AGTPBP1: variants seen among roughly 807,000 people sequenced by gnomAD.
The protein encoded by AGTPBP1 is cytosolic carboxypeptidase 1.
A neutral mutation model predicts 143.9 loss-of-function variants in AGTPBP1; 70 were observed. The observed-to-expected ratio is 0.49, with a 90% CI of 0.40 to 0.59. AGTPBP1 has a LOEUF of 0.59. AGTPBP1 is among the 20% of genes least tolerant of loss of function. The pLI, the probability that AGTPBP1 is intolerant of heterozygous loss-of-function variation, is 0.00. For missense variants in AGTPBP1, 1,229 were observed against 1,464.5 expected (o/e 0.84, Z 2.62); for synonymous variants, 463 against 500.2 (o/e 0.93, Z 0.99).
intron 17 of AGTPBP1, among the ~76,000 whole-genome samples, chr9:85,599,110 A>AACAC (rs57074552): frequency 0.058 from 7,911 of 135,406 alleles, 387 homozygotes; most frequent in African/African-American, 0.13. Flanking sequence ...CTTGTCACTG[A>AACAC]ACACACACAC....
At chr9:85,720,103 GATA>G (rs1207537191) in intron 1 of AGTPBP1, among the ~76,000 whole-genome samples, 1 of 152,178 alleles carries the variant, frequency 6.6e-6, no homozygotes, top group African/African-American at 2.4e-5. Flanking sequence ...GTTCATCAGG[GATA>G]TTGGTCTAAA....
At chr9:85,793,584 T>G in the AGTPBP1 span, 1 of 152,152 alleles carries the variant, frequency 6.6e-6, no homozygotes, top group African/African-American at 2.4e-5. Context: ...GAACCTACAA[T>G]CATAAGTATT....
At chr9:85,567,596 A>G (rs1461083192) in intron 25 of AGTPBP1, among the ~76,000 whole-genome samples, 1 of 152,204 alleles carries the variant, frequency 6.6e-6, no homozygotes, top group Non-Finnish European at 1.5e-5. Flanking sequence ...TGTCTCAAAA[A>G]AAAGAAGAAA....
intron 3 of AGTPBP1, among the ~76,000 whole-genome samples, chr9:85,685,957 A>C (rs1835461154): frequency 1.3e-5 from 2 of 152,082 alleles, no homozygotes. Flanking sequence ...TTAAAAATGA[A>C]AAGAGGTATA....
At chr9:85,608,407 G>A (rs1156478835) in intron 17 of AGTPBP1, among the ~76,000 whole-genome samples, 1 of 151,896 alleles carries the variant, frequency 6.6e-6, no homozygotes, top group Non-Finnish European at 1.5e-5. Flanking sequence ...TAGAACAATT[G>A]AACAAGAAAA....
At chr9:85,736,814 AT>A (rs1823820724) in intron 1 of AGTPBP1, among the ~76,000 whole-genome samples, 1 of 152,230 alleles carries the variant, frequency 6.6e-6, no homozygotes. Context: ...ACCAACAATT[AT>A]AAAACAAGAA....
chr9:85,677,376 G>A lies in AGTPBP1; in HGVS notation c.436+60C>T, dbSNP rs1834894731. 4 of 1,474,324 alleles carry A rather than the reference G, an allele frequency of 2.7e-6. No homozygotes were observed. The Admixed American group carries it at 6.3e-5, about 23-fold the overall frequency. The allele number at this position is 1,474,324 out of a possible 1,614,324, so 91.3% of individuals were successfully genotyped here. ...TAAAAACTGAGTAGTTACAAGGTGA[G>A]AGAATCACTGTTACAAAAATAGTTC... is the stretch of plus-strand genomic sequence containing the variant. On this transcript the variant is annotated intron_variant, in intron 6 of 25. Transcript: ENST00000357081.
chr9:85,724,133 A>G (rs1303035991), intron 1 of AGTPBP1, among the ~76,000 whole-genome samples: 1 of 151,970 alleles, frequency 6.6e-6, no homozygotes, highest in African/African-American at 2.4e-5. Flanking sequence ...CTATAAATAC[A>G]AAAATTAGCC....
At chr9:85,759,915 A>G in the AGTPBP1 span, among the ~76,000 whole-genome samples, 1 of 152,220 alleles carries the variant, frequency 6.6e-6, no homozygotes. Context: ...AAATAGATGC[A>G]ATAAAAAATG....
At chr9:85,552,169 A>C (rs1168902629) in intron 25 of AGTPBP1, among the ~76,000 whole-genome samples, 3 of 152,232 alleles carry the variant, frequency 2.0e-5, no homozygotes, top group Non-Finnish European at 4.4e-5. Context: ...GAAAAACATC[A>C]AAACTTTCAC....
the AGTPBP1 span, among the ~76,000 whole-genome samples, chr9:85,758,917 T>C: frequency 6.6e-6 from 1 of 151,826 alleles, no homozygotes; most frequent in Admixed American, 6.6e-5. Context: ...AATAAAGGGA[T>C]GGAGGAAGAT....
intron 17 of AGTPBP1, among the ~76,000 whole-genome samples, chr9:85,602,781 G>A (rs554108254): frequency 6.6e-6 from 1 of 152,300 alleles, no homozygotes; most frequent in African/African-American, 2.4e-5. Flanking sequence ...AAGACAATCT[G>A]GAATTGCTCA....
the AGTPBP1 span, among the ~76,000 whole-genome samples, chr9:85,794,124 G>A: frequency 6.6e-6 from 1 of 152,066 alleles, no homozygotes; most frequent in Admixed American, 6.6e-5. Context: ...ATAAGTTTCT[G>A]AGCTCACATA....
At chr9:85,779,674 T>A in the AGTPBP1 span, among the ~76,000 whole-genome samples, 1 of 152,078 alleles carries the variant, frequency 6.6e-6, no homozygotes, top group Non-Finnish European at 1.5e-5. Flanking sequence ...CACTCAATAG[T>A]AACCATCACA....
Position 85,632,837 on chromosome 9 carries a change from C to T in AGTPBP1, c.1840G>A (p.Ala614Thr), listed in dbSNP as rs756518744. 38 of 1,614,166 alleles carry T rather than the reference C, an allele frequency of 2.4e-5. No individual in the cohort carries two copies. Among genetic ancestry groups the T allele is most frequent in the Non-Finnish European group, 3.1e-5 (37 of 1,180,020 alleles). Residue 614 changes from alanine to threonine, a missense_variant, in exon 14 of 26, where the codon GCA (alanine) becomes ACA (threonine). By Grantham distance (58) the Ala-to-Thr change is moderately conservative (BLOSUM62 0). Transcript: ENST00000357081. Reference sequence around the variant, plus strand: ...GGTCCATCAGGTACTTCAACCGATGCTTGTTCTACCGATGAATTTGACTCA... The same window carrying T: ...GGTCCATCAGGTACTTCAACCGATGTTTGTTCTACCGATGAATTTGACTCA... ...DTESNSSVEQ[A>T]SVEVPDGPTL...
At chr9:85,689,675 G>A (rs890365759) in intron 3 of AGTPBP1, among the ~76,000 whole-genome samples, 11 of 151,606 alleles carry the variant, frequency 7.3e-5, no homozygotes, top group East Asian at 1.9e-4. Context: ...CCGGCAGATC[G>A]CCTGAGGTCA....
intron 2 of AGTPBP1, 44 bp from the exon 3 acceptor site, chr9:85,692,857 T>C: frequency 6.3e-7 from 1 of 1,595,238 alleles, no homozygotes; most frequent in East Asian, 2.2e-5. Flanking sequence ...AAATCAATGG[T>C]GTAAATTCAA....
intron 13 of AGTPBP1, among the ~76,000 whole-genome samples, chr9:85,639,083 A>G (rs551409465): frequency 6.6e-6 from 1 of 152,250 alleles, no homozygotes; most frequent in East Asian, 1.9e-4. Context: ...AAAATTTTTA[A>G]AAGGTTATGA....
intron 14 of AGTPBP1, among the ~76,000 whole-genome samples, chr9:85,627,188 C>T (rs1831354945): frequency 6.6e-6 from 1 of 152,128 alleles, no homozygotes. Context: ...TTGATAAACA[C>T]TGGTCTAATC....
Sources: gnomAD v4.1 joint callset for allele counts (sites outside exome capture counted in the v4.1 genomes callset) on GRCh38, gnomAD v4.1.1 for gene constraint, MANE v1.5 for transcripts, NCBI Gene and HGNC (gene_info 2026-07-23, HGNC 2026-07-21) for gene names.